NET1: variants seen among roughly 807,000 people sequenced by gnomAD.
The protein encoded by NET1 is neuroepithelial cell-transforming gene 1 protein.
NET1 carries 42 observed loss-of-function variants against 61.1 expected under a neutral mutation model. The observed-to-expected ratio is 0.69, with a 90% CI of 0.54 to 0.89. The LOEUF (loss-of-function observed/expected upper bound fraction) is 0.89. Among genes scored for constraint, NET1 ranks in the 40% least tolerant of loss-of-function variants. The pLI is 0.00. For synonymous variants in NET1, 254 were observed against 281.8 expected, an observed-to-expected ratio of 0.90 and a Z score of 0.99; for missense variants, 654 against 747.3, an observed-to-expected ratio of 0.88 and a Z score of 1.46.
rs774878618 is a variant in NET1, at chr10:5,451,838, C to A, written c.264C>A (p.Ser88Arg). The change falls in exon 4 of 12, where the codon AGC (serine) becomes AGA (arginine). Residue 88 changes from serine (S) to arginine (R), a missense_variant. By Grantham distance (110) the Ser-to-Arg change is moderately radical. Transcript: ENST00000355029. This position sits in a 1 kb window ranked among gnomAD's most constrained non-coding sequence, Gnocchi z 6.1. Reference sequence around the variant, plus strand: ...CTGGTTTGTTTTTATAGGAGCCAAGCAATAAAAGAGTTCGACCTCTGGCTC... The same window carrying A: ...CTGGTTTGTTTTTATAGGAGCCAAGAAATAAAAGAGTTCGACCTCTGGCTC... Reference protein sequence around the residue: ...SLSSLDLKEPSNKRVRPLARV... With the variant: ...SLSSLDLKEPRNKRVRPLARV... 3 of 1,613,042 alleles carry A rather than the reference C, an allele frequency of 1.9e-6. No homozygotes were observed. In the African/African-American group the frequency reaches 4.0e-5, roughly 22 times the overall value.
intron 1 of NET1, among the ~76,000 whole-genome samples, chr10:5,419,910 C>T (rs1832144074): frequency 6.6e-6 from 1 of 152,068 alleles, no homozygotes; most frequent in South Asian, 2.1e-4. Context: ...TTGTAAATAA[C>T]AAGTGTTTTT....
In NET1 at chr10:5,444,909, T is replaced by C. The variant is rs1588435589; in HGVS notation, c.256-6921T>C. On this transcript the variant is annotated intron_variant, in intron 3 of 11. Transcript: ENST00000355029. This position sits in a 1 kb window ranked among gnomAD's most constrained non-coding sequence, Gnocchi z 5.3. ...TTTTCTTTCAAAGCTTGTTCCTTCT[T>C]ATTTCTTGATTTGCACTAACAGTTA... is the stretch of plus-strand genomic sequence containing the variant. Among the ~76,000 whole-genome samples, 1 of 152,346 alleles carries C rather than the reference T, an allele frequency of 6.6e-6. No homozygotes were observed. The highest frequency in any genetic ancestry group is 1.9e-4 in the East Asian group (1 of 5,184).
intron 3 of NET1, among the ~76,000 whole-genome samples, chr10:5,442,087 A>G (rs1832531516): frequency 6.6e-6 from 1 of 152,202 alleles, no homozygotes; most frequent in South Asian, 2.1e-4. Context: ...TAATTTAGTA[A>G]TATAAGACAT....
rs1196776232 is a variant in NET1 at position 5,426,081 on chromosome 10, T to C, written c.129-574T>C. Among the ~76,000 whole-genome samples, 2 of 152,188 alleles carry C rather than the reference T, an allele frequency of 1.3e-5. No individual in the cohort carries two copies. Among genetic ancestry groups the C allele is most frequent in the Non-Finnish European group, 2.9e-5 (2 of 68,014 alleles). ...GAAACACAGAAAAATCTTTTAATAG[T>C]AAAGAACAAAATTCTAATCACATTT... On this transcript the variant is annotated intron_variant, in intron 1 of 11. Coordinates refer to ENST00000355029, the MANE Select transcript of NET1 (RefSeq NM_001047160.3). The surrounding 1 kb of genome is among the most constrained non-coding windows in gnomAD (Gnocchi z 4.6).
chr10:5,454,945 C>T lies in NET1; in HGVS notation c.1027-3C>T, dbSNP rs757986476. 3 of 1,612,300 alleles carry T rather than the reference C, an allele frequency of 1.9e-6. No individual in the cohort carries two copies. On this transcript the variant is annotated splice_region_variant and splice_polypyrimidine_tract_variant and intron_variant, in intron 9 of 11. Coordinates refer to ENST00000355029, the MANE Select transcript of NET1 (RefSeq NM_001047160.3). The surrounding 1 kb of genome is among the most constrained non-coding windows in gnomAD (Gnocchi z 8.1). Reference sequence around the variant, plus strand: ...CTCTGTCAATTTTATTTATCATTTTCAGATATTGATAATACAGGGAGTCCT... The same window carrying T: ...CTCTGTCAATTTTATTTATCATTTTTAGATATTGATAATACAGGGAGTCCT...
Position 5,446,005 on chromosome 10 carries a change from C to T in NET1, c.256-5825C>T, listed in dbSNP as rs1033963521. Among the ~76,000 whole-genome samples, 3 of 152,076 alleles carry T rather than the reference C, an allele frequency of 2.0e-5. No individual in the cohort carries two copies. Among genetic ancestry groups the T allele is most frequent in the Non-Finnish European group, 4.4e-5 (3 of 68,022 alleles). On this transcript the variant is annotated intron_variant, in intron 3 of 11. Transcript: ENST00000355029. The surrounding 1 kb of genome is among the most constrained non-coding windows in gnomAD (Gnocchi z 5.0). ...AAAAAGATCCAGAAAAAATATCTAC[C>T]TCTAAGAAATACTGAATTTTGAAAT...
chr10:5,421,736 T>G lies in NET1; in HGVS notation c.129-4919T>G, dbSNP rs1233108096. Reference sequence around the variant, plus strand: ...TAAATTTATAGAGTTGTGCAGTCATTACCACAATCCATTGTTAGAACATTT... The same window carrying G: ...TAAATTTATAGAGTTGTGCAGTCATGACCACAATCCATTGTTAGAACATTT... On this transcript the variant is annotated intron_variant, in intron 1 of 11. Transcript: ENST00000355029. This position sits in a 1 kb window ranked among gnomAD's most constrained non-coding sequence, Gnocchi z 4.2. Among the ~76,000 whole-genome samples the G allele has an allele frequency of 1.3e-5, 2 of 152,200 alleles. No individual in the cohort carries two copies. The highest frequency in any genetic ancestry group is 4.8e-5 in the African/African-American group (2 of 41,458).
rs1832760980 is a variant in NET1, at chr10:5,454,298, A to G, written c.802A>G (p.Ser268Gly). The G allele has an allele frequency of 1.2e-6, 2 of 1,614,206 alleles. No individual in the cohort carries two copies. Among genetic ancestry groups the G allele is most frequent in the South Asian group, 1.1e-5 (1 of 91,086 alleles). ...CTTGAATGCCTACAGAGGTTACTGTAGTAACCAGCTGGCAGCCAAAGCTCT... is the reference window on the plus strand; with the variant it reads ...CTTGAATGCCTACAGAGGTTACTGTGGTAACCAGCTGGCAGCCAAAGCTCT... ...PRLNAYRGYC[S>G]NQLAAKALLD... The change falls in exon 9 of 12, where the codon AGT (serine) becomes GGT (glycine). Residue 268 changes from serine (S) to glycine (G), a missense_variant. By Grantham distance (56) the Ser-to-Gly change is moderately conservative. Coordinates refer to ENST00000355029, the MANE Select transcript of NET1 (RefSeq NM_001047160.3). The surrounding 1 kb of genome is among the most constrained non-coding windows in gnomAD (Gnocchi z 8.1).
At chr10:5,432,769 C>CTATA (rs79965166) in intron 3 of NET1, among the ~76,000 whole-genome samples, 20 of 150,498 alleles carry the variant, frequency 1.3e-4, no homozygotes, top group South Asian at 1.0e-3. Flanking sequence ...ATATAAGCAA[C>CTATA]TATATATATA....
In NET1 at chr10:5,421,409, T is replaced by C. The variant is rs901451967; in HGVS notation, c.129-5246T>C. Among the ~76,000 whole-genome samples the C allele has an allele frequency of 1.3e-5, 2 of 152,252 alleles. No individual in the cohort carries two copies. The highest frequency in any genetic ancestry group is 2.9e-5 in the Non-Finnish European group (2 of 68,048). ...GTCCATTGGTAGAAAAATAATAGTA[T>C]GACCTATGATCTACCAACAGTGATA... On this transcript the variant is annotated intron_variant, in intron 1 of 11. Coordinates refer to ENST00000355029, the MANE Select transcript of NET1 (RefSeq NM_001047160.3). This position sits in a 1 kb window ranked among gnomAD's most constrained non-coding sequence, Gnocchi z 4.2.
rs893300978 is a variant in NET1 at position 5,420,640 on chromosome 10, G to A, written c.129-6015G>A. The stretch of plus-strand genomic sequence containing the variant: ...GAGATGGAGTCTTGCTCTGTCGCCA[G>A]GCTGGAGTGCAGTGGCGCGATCTCG... On this transcript the variant is annotated intron_variant, in intron 1 of 11. Transcript: ENST00000355029. The surrounding 1 kb of genome is among the most constrained non-coding windows in gnomAD (Gnocchi z 5.3). Among the ~76,000 whole-genome samples, 2 of 152,078 alleles carry A rather than the reference G, an allele frequency of 1.3e-5. No individual in the cohort carries two copies. The highest frequency in any genetic ancestry group is 2.9e-5 in the Non-Finnish European group (2 of 68,018).
At chr10:5,448,205 A>G (rs1413822010) in intron 3 of NET1, among the ~76,000 whole-genome samples, 3 of 152,222 alleles carry the variant, frequency 2.0e-5, no homozygotes, top group Non-Finnish European at 4.4e-5. Flanking sequence ...GTGTCTTGAT[A>G]TGATTGGTTA....
chr10:5,457,736 A>G lies in NET1; in HGVS notation c.*742A>G, dbSNP rs1052484866. On this transcript the variant is annotated 3_prime_UTR_variant, in exon 12 of 12. Coordinates refer to ENST00000355029, the MANE Select transcript of NET1 (RefSeq NM_001047160.3). The surrounding 1 kb of genome is among the most constrained non-coding windows in gnomAD (Gnocchi z 5.4). ...TATGTGTGTGTGTGTGTGTATATAT[A>G]TATATATTTTTAAATCACATTAATT... The G allele has an allele frequency of 6.6e-6, 1 of 152,270 alleles. No homozygotes were observed. The highest frequency in any genetic ancestry group is 1.5e-5 in the Non-Finnish European group (1 of 67,960). 9.4% of individuals were successfully genotyped at this position (152,270 alleles called of 1,614,324 possible).
At position 5,426,166 on chromosome 10, in the gene NET1, A is replaced by G. The variant is rs1832255374; in HGVS notation, c.129-489A>G. On this transcript the variant is annotated intron_variant, in intron 1 of 11. Coordinates refer to ENST00000355029, the MANE Select transcript of NET1 (RefSeq NM_001047160.3). The surrounding 1 kb of genome is among the most constrained non-coding windows in gnomAD (Gnocchi z 4.6). ...CATAGCTTTGTATTTTGTTTGTTAA[A>G]TTGCAGTTTTAAAAAATTAGGGATT... is the stretch of plus-strand genomic sequence containing the variant. 6.6e-6 allele frequency among the ~76,000 whole-genome samples: 1 copy of G among 152,180 alleles called. No homozygotes were observed. Among genetic ancestry groups the G allele is most frequent in the Non-Finnish European group, 1.5e-5 (1 of 68,030 alleles).
At position 5,412,605 on chromosome 10, in the gene NET1, T is replaced by G; in HGVS notation, c.-88T>G. ...CGGCTGCAGTCCGCTGACAGGCGCT[T>G]TCTGCCTGGCAGAGGCTGGCGGGCA... is the stretch of plus-strand genomic sequence containing the variant. On this transcript the variant is annotated 5_prime_UTR_variant, in exon 1 of 12. Transcript: ENST00000355029. This position sits in a 1 kb window ranked among gnomAD's most constrained non-coding sequence, Gnocchi z 6.5. 2 of 1,363,690 alleles carry G rather than the reference T, an allele frequency of 1.5e-6. No homozygotes were observed. Among genetic ancestry groups the G allele is most frequent in the Non-Finnish European group, 1.9e-6 (2 of 1,051,562 alleles). The allele number at this position is 1,363,690 out of a possible 1,614,324, so 84.5% of individuals were successfully genotyped here.
chr10:5,449,010 A>G lies in NET1; in HGVS notation c.256-2820A>G, dbSNP rs1832663341. Reference sequence around the variant, plus strand: ...AAAACTACTTTTGGTTTCGGCTCACATGGGCCAATTTCTGACGTGTATTCC... The same window carrying G: ...AAAACTACTTTTGGTTTCGGCTCACGTGGGCCAATTTCTGACGTGTATTCC... On this transcript the variant is annotated intron_variant, in intron 3 of 11. Transcript: ENST00000355029. The surrounding 1 kb of genome is among the most constrained non-coding windows in gnomAD (Gnocchi z 4.4). 6.6e-6 allele frequency among the ~76,000 whole-genome samples: 1 copy of G among 152,216 alleles called. No homozygotes were observed. Among genetic ancestry groups the G allele is most frequent in the Admixed American group, 6.5e-5 (1 of 15,288 alleles).
intron 3 of NET1, among the ~76,000 whole-genome samples, chr10:5,434,141 T>G (rs765782322): frequency 6.6e-6 from 1 of 152,242 alleles, no homozygotes; most frequent in Non-Finnish European, 1.5e-5. Context: ...GTAAGTTTCC[T>G]GTATGGTGAG....
At position 5,452,273 on chromosome 10, in the gene NET1, C is replaced by G; in HGVS notation, c.364-85C>G. On this transcript the variant is annotated intron_variant, in intron 4 of 11. Transcript: ENST00000355029. The surrounding 1 kb of genome is among the most constrained non-coding windows in gnomAD (Gnocchi z 4.0). Reference sequence around the variant, plus strand: ...GAGAAATTCTCAGAACTTTGTCTTTCTTCACTTTAAAAAAAAAGAAAATGG... The same window carrying G: ...GAGAAATTCTCAGAACTTTGTCTTTGTTCACTTTAAAAAAAAAGAAAATGG... The G allele has an allele frequency of 8.1e-7, 1 of 1,230,602 alleles. No individual in the cohort carries two copies. The highest frequency in any genetic ancestry group is 1.1e-6 in the Non-Finnish European group (1 of 930,706). 76.2% of individuals were successfully genotyped at this position (1,230,602 alleles called of 1,614,324 possible).
At chr10:5,432,373 T>C (rs1487517107) in intron 3 of NET1, among the ~76,000 whole-genome samples, 3 of 152,236 alleles carry the variant, frequency 2.0e-5, no homozygotes, top group African/African-American at 7.2e-5. Context: ...GCATTTGATT[T>C]ATACTACAGT....
Sources: allele counts gnomAD v4.1 joint callset (sites outside exome capture counted in the v4.1 genomes callset), GRCh38; gene constraint gnomAD v4.1.1; non-coding constraint Gnocchi (gnomAD v3.1); transcripts MANE v1.5; gene names NCBI Gene and HGNC (gene_info 2026-07-23, HGNC 2026-07-21).